The following MYH15 variants were observed in gnomAD, a reference collection of about 807,000 sequenced individuals.
The protein encoded by MYH15 is myosin heavy chain 15, also known as myosin-15.
MYH15 carries 227 observed loss-of-function variants against 240.5 expected under a neutral mutation model. That is an observed-to-expected ratio of 0.94 (90% CI 0.85 to 1.05). The LOEUF is 1.05. MYH15 is among the 50% of genes least tolerant of loss of function. The pLI is 0.00. For synonymous variants in MYH15, 785 were observed against 796.7 expected (o/e 0.99, Z 0.25); for missense variants, 2,217 against 2,247.5 (o/e 0.99, Z 0.27).
chr3:108,414,455 G>T, intron 29 of MYH15, 27 bp from the exon 30 acceptor site: 1 of 1,583,896 alleles, frequency 6.3e-7, no homozygotes, highest in Non-Finnish European at 8.6e-7. Flanking sequence ...TTAACAAAAA[G>T]GTCATGACCA....
At chr3:108,533,934 C>G (rs567099819), upstream of MYH15, among the ~76,000 whole-genome samples, 3 of 152,166 alleles carry the variant, frequency 2.0e-5, no homozygotes, top group African/African-American at 7.2e-5. Context: ...TTGAGTGAGG[C>G]TGAATCTATA....
chr3:108,461,585 C>T (rs1042165676), intron 16 of MYH15: 5 of 152,098 alleles, frequency 3.3e-5, no homozygotes, highest in African/African-American at 1.2e-4. Context: ...ATTCTCTGCC[C>T]AAACCATTCT....
upstream of MYH15, among the ~76,000 whole-genome samples, chr3:108,531,864 T>C (rs142244162): frequency 1.6e-3 from 243 of 152,200 alleles, 3 homozygotes; most frequent in East Asian, 0.038. Flanking sequence ...GCAACAGGTC[T>C]TGCCATTTGA....
At chr3:108,383,202 A>T (rs540028840) in intron 40 of MYH15, among the ~76,000 whole-genome samples, 4 of 152,212 alleles carry the variant, frequency 2.6e-5, no homozygotes, top group Non-Finnish European at 5.9e-5. Flanking sequence ...GATATGGTAC[A>T]AAGTCACGTA....
At chr3:108,512,691 T>C (rs2083530609), upstream of MYH15, among the ~76,000 whole-genome samples, 1 of 152,132 alleles carries the variant, frequency 6.6e-6, no homozygotes, top group Non-Finnish European at 1.5e-5. Context: ...TATTTCATAA[T>C]TAACAGATTT....
At chr3:108,455,676 A>C in intron 20 of MYH15, 60 bp downstream of exon 20, 1 of 1,567,460 alleles carries the variant, frequency 6.4e-7, no homozygotes, top group Non-Finnish European at 8.8e-7. Context: ...CAGGTATTTT[A>C]AGATACACAG....
At chr3:108,394,301 C>T in intron 35 of MYH15, 145 bp from the exon 36 acceptor site, 1 of 1,034,710 alleles carries the variant, frequency 9.7e-7, no homozygotes. Flanking sequence ...GCAGTGCTCC[C>T]AATCCCGAAA....
intron 29 of MYH15, among the ~76,000 whole-genome samples, 174 bp downstream of exon 29, chr3:108,416,638 G>C (rs926180036): frequency 6.6e-6 from 1 of 152,058 alleles, no homozygotes; most frequent in East Asian, 1.9e-4. Flanking sequence ...TTGAATCACC[G>C]AGGAAGATCC....
the MYH15 span, among the ~76,000 whole-genome samples, chr3:108,547,785 A>T: frequency 6.6e-6 from 1 of 152,306 alleles, no homozygotes; most frequent in Non-Finnish European, 1.5e-5. Flanking sequence ...CCACTTGGCA[A>T]CCAACCATCA....
At position 108,410,797 on chromosome 3, in the gene MYH15, G is replaced by C; in HGVS notation, c.4281C>G (p.Val1427=). The C allele has an allele frequency of 6.2e-7, 1 of 1,614,152 alleles. No individual in the cohort carries two copies. The highest frequency in any genetic ancestry group is 8.5e-7 in the Non-Finnish European group (1 of 1,179,992). Residue 1427 remains valine, a synonymous_variant, in exon 31 of 41, where the codon GTC becomes GTG. Coordinates refer to ENST00000693548, the MANE Select transcript of MYH15 (RefSeq NM_014981.3). The part of the protein sequence containing the change: ...LGDALSDLGK[V]RSAAARLDQK... The stretch of plus-strand genomic sequence containing the variant: ...GGTCCAGCCTGGCTGCTGCAGAGCG[G>C]ACCTTCCCGAGGTCAGACAGGGCGT...
At chr3:108,507,494 G>C (rs1283424382) in intron 1 of MYH15, among the ~76,000 whole-genome samples, 1 of 152,030 alleles carries the variant, frequency 6.6e-6, no homozygotes, top group Non-Finnish European at 1.5e-5. Context: ...AAGCTAGAGA[G>C]GGCTCACTGC....
intron 37 of MYH15, among the ~76,000 whole-genome samples, chr3:108,389,476 A>C (rs760038270): frequency 2.0e-5 from 3 of 152,128 alleles, no homozygotes; most frequent in Non-Finnish European, 2.9e-5. Context: ...CTCTAAAGAA[A>C]TCAGATGCTG....
chr3:108,459,486 G>T (rs2083053404), intron 17 of MYH15, 37 bp from the exon 18 acceptor site: 1 of 1,349,580 alleles, frequency 7.4e-7, no homozygotes, highest in Non-Finnish European at 1.0e-6. Context: ...AAATCACTTT[G>T]CAAATCACTA....
At chr3:108,389,184 A>G (rs1245963769) in intron 37 of MYH15, 110 bp from the exon 38 acceptor site, 5 of 918,548 alleles carry the variant, frequency 5.4e-6, no homozygotes, top group Non-Finnish European at 8.5e-6. Flanking sequence ...GAACATGCAC[A>G]CACTGTTTTT....
rs116447627 is a variant in MYH15, at chr3:108,515,932, G to A, written c.-57-5345C>T. On this transcript the variant is annotated intron_variant, in intron 1 of 41. Transcript: ENST00000273353. ...GGAATTGTCTATTTAGATGGTGATC[G>A]CTCCTGAAAGGTCACACTTTCTAGT... Among the ~76,000 whole-genome samples the A allele has an allele frequency of 4.1e-3, 626 of 152,220 alleles. 6 individuals carry two copies. Among genetic ancestry groups the A allele is most frequent in the African/African-American group, 0.014 (588 of 41,530 alleles).
At chr3:108,538,995 C>G in the MYH15 span, among the ~76,000 whole-genome samples, 15 of 152,238 alleles carry the variant, frequency 9.9e-5, no homozygotes, top group Admixed American at 9.8e-4. Context: ...GCAATACTTG[C>G]AAGCCCACTT....
intron 22 of MYH15, among the ~76,000 whole-genome samples, chr3:108,443,977 A>T (rs1263284637): frequency 3.7e-4 from 33 of 88,568 alleles, no homozygotes; most frequent in Non-Finnish European, 5.8e-4. Context: ...GAAGGGGAAC[A>T]TCACACTCTG....
chr3:108,434,479 G>C (rs1348910444), intron 25 of MYH15, among the ~76,000 whole-genome samples: 2 of 151,700 alleles, frequency 1.3e-5, no homozygotes, highest in Non-Finnish European at 2.9e-5. Flanking sequence ...ACCACACCCA[G>C]CCTGAGAATG....
chr3:108,441,165 C>A lies in MYH15; in HGVS notation c.2751G>T (p.Arg917Ser). Residue 917 changes from arginine (R) to serine (S), a missense_variant, in exon 23 of 41, where the codon AGG becomes AGT. Transcript: ENST00000693548. ...LEARVKELSE[R>S]VEEEEEINSE... ...AATTTATCTCCTCTTCTTCCTCCAC[C>A]CTCTCCGACAGCTCCTTTACTCTGG... 1 of 1,614,162 alleles carries A rather than the reference C, an allele frequency of 6.2e-7. No individual in the cohort carries two copies. Among genetic ancestry groups the A allele is most frequent in the East Asian group, 2.2e-5 (1 of 44,896 alleles).
Sources: allele counts gnomAD v4.1 joint callset (sites outside exome capture counted in the v4.1 genomes callset), GRCh38; gene constraint gnomAD v4.1.1; transcripts MANE v1.5; gene names NCBI Gene and HGNC (gene_info 2026-07-23, HGNC 2026-07-21).